PRDM15: variants seen among roughly 807,000 people sequenced by gnomAD.
The protein encoded by PRDM15 is PR domain zinc finger protein 15.
In PRDM15, 64 loss-of-function variants were observed where a neutral mutation model predicts 128.6. That is an observed-to-expected ratio of 0.50 (90% CI 0.41 to 0.61). The LOEUF is 0.61. Ranked by LOEUF, PRDM15 falls within the 20% of genes least tolerant of loss-of-function variation. The probability of loss-of-function intolerance (pLI) is 0.00; values close to 1 mark genes in which losing one functional copy is unlikely to be tolerated. For missense variants in PRDM15, 1,242 were observed against 1,569.1 expected (o/e 0.79, Z 3.52); for synonymous variants, 615 against 621.8 (o/e 0.99, Z 0.16).
Position 41,828,356 on chromosome 21 carries a change from CACA to C in PRDM15, c.1367-26_1367-24del, listed in dbSNP as rs2062545429. The C allele has an allele frequency of 1.9e-6, 3 of 1,612,766 alleles. No individual in the cohort carries two copies. Among genetic ancestry groups the C allele is most frequent in the Non-Finnish European group, 1.7e-6 (2 of 1,179,006 alleles). On this transcript the variant is annotated intron_variant, in intron 11 of 23. Coordinates refer to ENST00000398548, the MANE Select transcript of PRDM15 (RefSeq NM_001040424.3). This position sits in a 1 kb window ranked among gnomAD's most constrained non-coding sequence, Gnocchi z 5.7. ...CATCTGTCCAGAGAGCAAACAAACA[CACA>C]ACGATTTTGAGGTAAATAACATCTC...
At chr21:41,846,871 T>C (rs2034123373) in intron 6 of PRDM15, among the ~76,000 whole-genome samples, 1 of 148,588 alleles carries the variant, frequency 6.7e-6, no homozygotes, top group African/African-American at 2.5e-5. Flanking sequence ...CCAGGAGGAG[T>C]GAGGAGTGAG....
chr21:41,801,911 T>C (rs900628575), intron 23 of PRDM15, among the ~76,000 whole-genome samples, 189 bp from the exon 24 acceptor site: 8 of 152,042 alleles, frequency 5.3e-5, no homozygotes, highest in African/African-American at 1.9e-4. Flanking sequence ...GACACAATCA[T>C]GAAAGCAATG....
intron 1 of PRDM15, among the ~76,000 whole-genome samples, chr21:41,874,260 G>A (rs554015753): frequency 2.0e-5 from 3 of 151,788 alleles, no homozygotes; most frequent in South Asian, 2.1e-4. Context: ...CTGGTTTAGC[G>A]TATTTCAAAA....
chr21:41,853,796 C>T (rs1488578283), intron 5 of PRDM15, among the ~76,000 whole-genome samples: 1 of 152,160 alleles, frequency 6.6e-6, no homozygotes, highest in Non-Finnish European at 1.5e-5. Context: ...CACGCGCGCA[C>T]ACACACACTG....
chr21:41,866,347 G>C (rs959746893), intron 1 of PRDM15, among the ~76,000 whole-genome samples: 1 of 152,190 alleles, frequency 6.6e-6, no homozygotes, highest in Non-Finnish European at 1.5e-5. Context: ...TATTGTTTTC[G>C]ATATTTACAA....
intron 1 of PRDM15, among the ~76,000 whole-genome samples, chr21:41,872,627 T>C (rs1601494701): frequency 6.6e-6 from 1 of 152,188 alleles, no homozygotes; most frequent in African/African-American, 2.4e-5. Context: ...AATAAGCGTA[T>C]CCATCATCTC....
chr21:41,828,395 G>T lies in PRDM15; in HGVS notation c.1367-62C>A, dbSNP rs774098251. On this transcript the variant is annotated intron_variant, in intron 11 of 23. Transcript: ENST00000398548. The surrounding 1 kb of genome is among the most constrained non-coding windows in gnomAD (Gnocchi z 5.7). ...GGTAAATAACATCTCACGCAGGCAC[G>T]CACGTGTGGCCTGAACGTCAATAAA... 10 of 1,564,352 alleles carry T rather than the reference G, an allele frequency of 6.4e-6. No individual in the cohort carries two copies. The highest frequency in any genetic ancestry group is 7.0e-6 in the Non-Finnish European group (8 of 1,139,816).
intron 1 of PRDM15, chr21:41,867,425 A>G (rs764101037): frequency 2.2e-6 from 3 of 1,360,720 alleles, no homozygotes; most frequent in East Asian, 4.6e-5. Flanking sequence ...ACACTTCAGC[A>G]GAACAGGTGA....
Position 41,859,258 on chromosome 21 carries a change from A to C in PRDM15, c.131+334T>G. On this transcript the variant is annotated intron_variant, in intron 3 of 23. Transcript: ENST00000398548. This position sits in a 1 kb window ranked among gnomAD's most constrained non-coding sequence, Gnocchi z 5.3. ...AATGCAGAGAGAAGCCAACGAGCAG[A>C]CCTCCAGCTTGGCTGCTGGTGCTCA... The C allele has an allele frequency of 6.2e-7, 1 of 1,602,582 alleles. No homozygotes were observed. Among genetic ancestry groups the C allele is most frequent in the Non-Finnish European group, 8.5e-7 (1 of 1,171,370 alleles).
In PRDM15 at chr21:41,854,545, G is replaced by C; in HGVS notation, c.538+21C>G. 1 of 1,610,760 alleles carries C rather than the reference G, an allele frequency of 6.2e-7. No homozygotes were observed. The highest frequency in any genetic ancestry group is 8.5e-7 in the Non-Finnish European group (1 of 1,179,874). ...CGAGGCACAAGGGAAGGTGGGCTCCGGATCGGGGGCCGCCACATACCGTGG... is the reference window on the plus strand; with the variant it reads ...CGAGGCACAAGGGAAGGTGGGCTCCCGATCGGGGGCCGCCACATACCGTGG... On this transcript the variant is annotated intron_variant, in intron 5 of 23. Transcript: ENST00000398548. The surrounding 1 kb of genome is among the most constrained non-coding windows in gnomAD (Gnocchi z 4.6).
chr21:41,818,166 G>C (rs2062117424), intron 18 of PRDM15, among the ~76,000 whole-genome samples: 1 of 152,202 alleles, frequency 6.6e-6, no homozygotes, highest in African/African-American at 2.4e-5. Context: ...CATTGGGGAG[G>C]AAAGGGGAGG....
intron 19 of PRDM15, chr21:41,812,331 C>G (rs2146290043): frequency 6.6e-6 from 1 of 152,320 alleles, no homozygotes; most frequent in Middle Eastern, 3.4e-3. Flanking sequence ...AACAAAATAA[C>G]CAGTTCCCTG....
chr21:41,878,588 C>T, intron 1 of PRDM15: 1 of 586,812 alleles, frequency 1.7e-6, no homozygotes, highest in South Asian at 2.5e-5. Flanking sequence ...GAACGGCCAC[C>T]CACCCCGGGT....
In PRDM15 at chr21:41,846,926, T is replaced by C. The variant is rs185487356; in HGVS notation, c.640+164A>G. 3.3e-3 allele frequency among the ~76,000 whole-genome samples: 501 copies of C among 152,298 alleles called. 2 individuals are homozygous for C. The highest frequency in any genetic ancestry group is 5.7e-3 in the Non-Finnish European group (389 of 68,016). On this transcript the variant is annotated intron_variant, in intron 6 of 23. Coordinates refer to ENST00000398548, the MANE Select transcript of PRDM15 (RefSeq NM_001040424.3). ...GGGAAGCGGGACTGCCCAGAAGCTT[T>C]AAACCCTGAGAAAGCCTTGGTTCTG...
At chr21:41,838,626 G>A (rs2062972456) in intron 7 of PRDM15, among the ~76,000 whole-genome samples, 1 of 152,224 alleles carries the variant, frequency 6.6e-6, no homozygotes, top group Non-Finnish European at 1.5e-5. Context: ...CTCAACACAA[G>A]TAAGAATTAG....
At position 41,838,398 on chromosome 21, in the gene PRDM15, C is replaced by T. The variant is rs770810176; in HGVS notation, c.872-335G>A. Among the ~76,000 whole-genome samples, 172 of 152,360 alleles carry T rather than the reference C, an allele frequency of 1.1e-3. 1 individual carries two copies. Among genetic ancestry groups the T allele is most frequent in the Non-Finnish European group, 2.0e-3 (135 of 68,036 alleles). ...TATAGCAGAAACTTCGAACTTACTACATCAATTCTGACAGAGTTTTAGAAA... is the reference window on the plus strand; with the variant it reads ...TATAGCAGAAACTTCGAACTTACTATATCAATTCTGACAGAGTTTTAGAAA... On this transcript the variant is annotated intron_variant, in intron 7 of 23. Coordinates refer to ENST00000398548, the MANE Select transcript of PRDM15 (RefSeq NM_001040424.3).
At chr21:41,878,646 C>CA in intron 1 of PRDM15, 1 of 1,233,906 alleles carries the variant, frequency 8.1e-7, no homozygotes, top group Non-Finnish European at 1.1e-6. Context: ...TCTCTGCCAC[C>CA]AAAAGGCTTA....
Position 41,825,321 on chromosome 21 carries a change from CGT to C in PRDM15, c.1629+637_1629+638del, listed in dbSNP as rs555966048. Among the ~76,000 whole-genome samples, 20 of 152,382 alleles carry C rather than the reference CGT, an allele frequency of 1.3e-4. No homozygotes were observed. In the South Asian group the frequency reaches 3.7e-3, roughly 28 times the overall value. ...CCCCAGGCTCTCCCGGGACGCGCAG[CGT>C]GTTTGCTGGATGTTTAGGATCCAGC... On this transcript the variant is annotated intron_variant, in intron 13 of 23. Coordinates refer to ENST00000398548, the MANE Select transcript of PRDM15 (RefSeq NM_001040424.3).
chr21:41,860,673 G>A (rs1291175680), intron 1 of PRDM15, among the ~76,000 whole-genome samples: 2 of 152,070 alleles, frequency 1.3e-5, no homozygotes, highest in Non-Finnish European at 1.5e-5. Flanking sequence ...CGCCTGCCTC[G>A]GCCTCTGAAA....
Sources: gnomAD v4.1 joint callset for allele counts (sites outside exome capture counted in the v4.1 genomes callset) on GRCh38, gnomAD v4.1.1 for gene constraint, Gnocchi (gnomAD v3.1) non-coding constraint, MANE v1.5 for transcripts, NCBI Gene and HGNC (gene_info 2026-07-23, HGNC 2026-07-21) for gene names.